SLC9A2: variants seen among roughly 807,000 people sequenced by gnomAD.
The protein encoded by SLC9A2 is sodium/hydrogen exchanger 2.
Under a neutral mutation model 71.7 loss-of-function variants are expected in SLC9A2, and 42 were observed. That is an observed-to-expected ratio of 0.59 (90% CI 0.46 to 0.76). The LOEUF (loss-of-function observed/expected upper bound fraction) is 0.76, where lower values mean the gene tolerates loss of function less well. Ranked by LOEUF, SLC9A2 falls within the 30% of genes least tolerant of loss-of-function variation. SLC9A2 has a pLI of 0.00. For synonymous variants in SLC9A2, 396 were observed against 392.5 expected (o/e 1.01, Z -0.10); for missense variants, 829 against 1,017.4 (o/e 0.81, Z 2.52).
chr2:102,679,620 C>T (rs879369514), intron 3 of SLC9A2, among the ~76,000 whole-genome samples: 9 of 152,060 alleles, frequency 5.9e-5, no homozygotes, highest in Non-Finnish European at 1.0e-4. Context: ...CCTCGTGATC[C>T]GCCCACCTCG....
At chr2:102,683,512 T>C in intron 4 of SLC9A2, 34 bp downstream of exon 4, 1 of 1,489,744 alleles carries the variant, frequency 6.7e-7, no homozygotes. Flanking sequence ...TGGACATATG[T>C]AACACTCACT....
intron 1 of SLC9A2, among the ~76,000 whole-genome samples, chr2:102,632,593 G>A (rs1055768444): frequency 5.3e-5 from 8 of 152,012 alleles, no homozygotes; most frequent in Non-Finnish European, 7.4e-5. Context: ...GTTTGAAGAC[G>A]CCTTGTATTC....
At chr2:102,640,599 G>A (rs1442605618) in intron 1 of SLC9A2, among the ~76,000 whole-genome samples, 2 of 152,128 alleles carry the variant, frequency 1.3e-5, no homozygotes, top group Non-Finnish European at 2.9e-5. Flanking sequence ...GCAGGCATAG[G>A]GAGGGTGCCA....
chr2:102,711,104 G>A lies in SLC9A2; in HGVS notation c.*2615G>A, dbSNP rs988080677. On this transcript the variant is annotated 3_prime_UTR_variant, in exon 12 of 12. Transcript: ENST00000233969. ...TCAGCTTTTGCTCAGCTTTATGGTG[G>A]GGTGTACTGTTTTATCTGGGCGGTG... 2 of 152,260 alleles carry A rather than the reference G, an allele frequency of 1.3e-5. No homozygotes were observed. The highest frequency in any genetic ancestry group is 4.1e-4 in the South Asian group (2 of 4,822). The allele number at this position is 152,260 out of a possible 1,614,324, so 9.4% of individuals were successfully genotyped here. A position where few individuals can be genotyped will look rare whatever the true frequency, so the allele number is the denominator to read the frequency against.
At chr2:102,653,924 T>C (rs544486104) in intron 1 of SLC9A2, among the ~76,000 whole-genome samples, 1 of 152,212 alleles carries the variant, frequency 6.6e-6, no homozygotes, top group Non-Finnish European at 1.5e-5. Context: ...GTAAGTACTG[T>C]GCAGTTGACT....
intron 8 of SLC9A2, 65 bp from the exon 9 acceptor site, chr2:102,702,341 G>A: frequency 1.1e-6 from 1 of 896,768 alleles, no homozygotes; most frequent in Admixed American, 2.3e-5. Context: ...ATATCTCTAA[G>A]GAAGAAAATC....
intron 1 of SLC9A2, among the ~76,000 whole-genome samples, chr2:102,652,790 AT>A (rs1676857980): frequency 6.6e-6 from 1 of 152,084 alleles, no homozygotes. Flanking sequence ...TTTTCCCCCA[AT>A]AACTGATATA....
chr2:102,707,850 G>A (rs571500693), intron 11 of SLC9A2, among the ~76,000 whole-genome samples: 2 of 152,178 alleles, frequency 1.3e-5, no homozygotes, highest in African/African-American at 4.8e-5. Flanking sequence ...GACAAAATGG[G>A]CTAATGCATT....
At chr2:102,688,761 T>C (rs1404013827) in intron 5 of SLC9A2, among the ~76,000 whole-genome samples, 2 of 152,046 alleles carry the variant, frequency 1.3e-5, no homozygotes, top group African/African-American at 4.8e-5. Flanking sequence ...GAAAGAAAAC[T>C]TGTAACGAAA....
chr2:102,636,110 G>C (rs533057095), intron 1 of SLC9A2, among the ~76,000 whole-genome samples: 7 of 152,154 alleles, frequency 4.6e-5, no homozygotes, highest in Non-Finnish European at 8.8e-5. Flanking sequence ...ATATGGAACT[G>C]TAAGAATCTC....
chr2:102,632,728 G>T (rs1206203770), intron 1 of SLC9A2, among the ~76,000 whole-genome samples: 1 of 152,066 alleles, frequency 6.6e-6, no homozygotes, highest in Non-Finnish European at 1.5e-5. Flanking sequence ...GCATACAAAG[G>T]CTTACATGGG....
In SLC9A2 at chr2:102,660,037, T is replaced by C. The variant is rs527329495; in HGVS notation, c.753+2010T>C. Among the ~76,000 whole-genome samples the C allele has an allele frequency of 8.5e-5, 13 of 152,312 alleles. No individual in the cohort carries two copies. The South Asian group carries it at 2.7e-3, about 32-fold the overall frequency. On this transcript the variant is annotated intron_variant, in intron 2 of 11. Coordinates refer to ENST00000233969, the MANE Select transcript of SLC9A2 (RefSeq NM_003048.6). Reference sequence around the variant, plus strand: ...CTGATCAAATTTTTATTCAGACATCTCCGTGGTCCATTCTTTGAGTTTGTC... The same window carrying C: ...CTGATCAAATTTTTATTCAGACATCCCCGTGGTCCATTCTTTGAGTTTGTC...
intron 7 of SLC9A2, among the ~76,000 whole-genome samples, chr2:102,695,801 T>TTATATATTATATATATA (rs1491395316): frequency 1.6e-5 from 1 of 62,168 alleles, no homozygotes; most frequent in Non-Finnish European, 3.1e-5. Flanking sequence ...ATATATATAT[T>TTATATATTATATATATA]ATATATATAT....
intron 1 of SLC9A2, among the ~76,000 whole-genome samples, chr2:102,632,686 T>C (rs973156212): frequency 1.3e-5 from 2 of 152,148 alleles, no homozygotes; most frequent in South Asian, 2.1e-4. Context: ...ACACATACTT[T>C]CCAGGTGAGT....
intron 1 of SLC9A2, among the ~76,000 whole-genome samples, chr2:102,626,777 C>T (rs1001407312): frequency 6.6e-6 from 1 of 152,188 alleles, no homozygotes; most frequent in Admixed American, 6.5e-5. Context: ...TGAACAGACA[C>T]TTCTCAAAAG....
At chr2:102,706,568 G>A (rs1417713995) in intron 11 of SLC9A2, among the ~76,000 whole-genome samples, 3 of 151,996 alleles carry the variant, frequency 2.0e-5, no homozygotes, top group African/African-American at 7.2e-5. Flanking sequence ...AAAACTTAAA[G>A]TATAATAATA....
chr2:102,693,104 T>C (rs1454046149), intron 5 of SLC9A2, among the ~76,000 whole-genome samples: 1 of 151,968 alleles, frequency 6.6e-6, no homozygotes, highest in East Asian at 1.9e-4. Context: ...GTTTTTTTCA[T>C]TGCTATTGTA....
At chr2:102,661,924 C>G (rs932408646) in intron 2 of SLC9A2, among the ~76,000 whole-genome samples, 1 of 152,132 alleles carries the variant, frequency 6.6e-6, no homozygotes, top group Admixed American at 6.5e-5. Context: ...CCTCATAATA[C>G]AATTAAAGGA....
intron 7 of SLC9A2, among the ~76,000 whole-genome samples, chr2:102,697,682 G>T (rs2104551350): frequency 6.8e-6 from 1 of 146,890 alleles, no homozygotes; most frequent in African/African-American, 2.5e-5. Context: ...CAGGGAAGTG[G>T]GTGCGGGGGG....
Sources: allele counts gnomAD v4.1 joint callset (sites outside exome capture counted in the v4.1 genomes callset), GRCh38; gene constraint gnomAD v4.1.1; transcripts MANE v1.5; gene names NCBI Gene and HGNC (gene_info 2026-07-23, HGNC 2026-07-21).